The following NANOGNB variants were observed in gnomAD, a reference collection of about 807,000 sequenced individuals.
NANOGNB encodes homeobox C14.
NANOGNB carries 30 observed loss-of-function variants against 25.0 expected under a neutral mutation model. That is an observed-to-expected ratio of 1.20 (90% CI 0.90 to 1.63). NANOGNB has a LOEUF of 1.63. NANOGNB is among the 40% of genes most tolerant of loss of function. The pLI, the probability that NANOGNB is intolerant of heterozygous loss-of-function variation, is 0.00. For synonymous variants in NANOGNB, 84 were observed against 62.1 expected, an observed-to-expected ratio of 1.35 and a Z score of -1.66; for missense variants, 200 against 188.1, an observed-to-expected ratio of 1.06 and a Z score of -0.37.
In NANOGNB at chr12:7,770,008, AAGATCC is replaced by A; in HGVS notation, c.132_137del (p.Asp44_Pro45del). 6.6e-7 allele frequency: 1 copy of A among 1,519,522 alleles called. No individual in the cohort carries two copies. Among genetic ancestry groups the A allele is most frequent in the Non-Finnish European group, 8.8e-7 (1 of 1,138,252 alleles). The allele number at this position is 1,519,522 out of a possible 1,614,324, so 94.1% of individuals were successfully genotyped here. On this transcript the variant is annotated inframe_deletion, in exon 2 of 4. Transcript: ENST00000382119. ...AAACAATCAGCTATGCCTTGGGATC[AAGATCC>A]AGAACAATCAACTGGAAATTACAGT...
At chr12:7,765,919 C>T (rs940308597) in intron 1 of NANOGNB, among the ~76,000 whole-genome samples, 2 of 151,962 alleles carry the variant, frequency 1.3e-5, no homozygotes, top group African/African-American at 4.8e-5. Context: ...TATTAAAAAC[C>T]ATGAGATTAG....
At chr12:7,770,686 C>G (rs1431147560) in intron 3 of NANOGNB, among the ~76,000 whole-genome samples, 168 bp downstream of exon 3, 6 of 152,108 alleles carry the variant, frequency 3.9e-5, no homozygotes, top group Non-Finnish European at 7.3e-5. Flanking sequence ...CATCTCGGCT[C>G]ACCGCACCCT....
At position 7,770,129 on chromosome 12, in the gene NANOGNB, G is replaced by C; in HGVS notation, c.249G>C (p.Lys83Asn). 6.5e-7 allele frequency: 1 copy of C among 1,543,076 alleles called. No homozygotes were observed. The change falls in exon 2 of 4, where the codon AAG (lysine) becomes AAC (asparagine). Residue 83 changes from lysine to asparagine, a missense_variant. By Grantham distance (94) the Lys-to-Asn change is moderately conservative (BLOSUM62 0). Coordinates refer to ENST00000382119, the MANE Select transcript of NANOGNB (RefSeq NM_001145465.1). ...REREKEEKNE[K>N]ELQDEQENKR... ...GAGAAAAAGAAGAAAAAAACGAAAA[G>C]GAGCTGCAAGATGAACAGGAAAACA...
rs138560051 is a variant in NANOGNB, at chr12:7,766,735, C to T, written c.102+1348C>T. ...TAGAGACGGGGTTTCACCATGTTGG[C>T]CAGGCTGGTCCTGAACTCCTGACCT... is the stretch of plus-strand genomic sequence containing the variant. On this transcript the variant is annotated intron_variant, in intron 1 of 3. Transcript: ENST00000382119. Among the ~76,000 whole-genome samples, 159 of 152,218 alleles carry T rather than the reference C, an allele frequency of 1.0e-3. 2 individuals carry two copies. The highest frequency in any genetic ancestry group is 3.4e-3 in the Middle Eastern group (1 of 292).
chr12:7,765,428 G>C, intron 1 of NANOGNB, 41 bp downstream of exon 1: 1 of 357,500 alleles, frequency 2.8e-6, no homozygotes, highest in South Asian at 2.1e-5. Flanking sequence ...AAATTAGCTG[G>C]GCGTGGTGGC....
At chr12:7,773,463 G>A (rs1199888101) in intron 3 of NANOGNB, among the ~76,000 whole-genome samples, 3 of 148,280 alleles carry the variant, frequency 2.0e-5, no homozygotes, top group Admixed American at 7.0e-5. Flanking sequence ...CACTTTGGGA[G>A]GCCAAGGCAG....
chr12:7,773,688 G>T, intron 3 of NANOGNB, 112 bp from the exon 4 acceptor site: 1 of 451,568 alleles, frequency 2.2e-6, no homozygotes, highest in Non-Finnish European at 3.8e-6. Flanking sequence ...TTGTGCCATT[G>T]CACTCCAGCT....
In NANOGNB at chr12:7,770,445, C is replaced by A; in HGVS notation, c.442C>A (p.Gln148Lys). The A allele has an allele frequency of 1.3e-6, 2 of 1,538,538 alleles. No individual in the cohort carries two copies. Among genetic ancestry groups the A allele is most frequent in the South Asian group, 1.2e-5 (1 of 82,620 alleles). ...EFDMTHKQIS[Q>K]WFCKTRKKYN... ...ACACCTCATTTTTTTGTAGATAAGTCAATGGTTTTGTAAAACGAGGAAGAA... is the reference window on the plus strand; with the variant it reads ...ACACCTCATTTTTTTGTAGATAAGTAAATGGTTTTGTAAAACGAGGAAGAA... The change falls in exon 3 of 4, where the codon CAA becomes AAA. Residue 148 changes from glutamine (Q) to lysine (K), a missense_variant. By Grantham distance (53) the Gln-to-Lys change is moderately conservative. Transcript: ENST00000382119.
intron 1 of NANOGNB, among the ~76,000 whole-genome samples, chr12:7,765,863 AG>A (rs1382142090): frequency 2.6e-5 from 4 of 152,068 alleles, no homozygotes; most frequent in Non-Finnish European, 4.4e-5. Flanking sequence ...AGTTTGACAT[AG>A]AAGACTGGAA....
intron 1 of NANOGNB, among the ~76,000 whole-genome samples, chr12:7,768,501 G>A (rs1865263837): frequency 6.6e-6 from 1 of 151,856 alleles, no homozygotes; most frequent in South Asian, 2.1e-4. Flanking sequence ...AGGTGCCACT[G>A]GCATATTTCT....
Position 7,770,107 on chromosome 12 carries a change from A to G in NANOGNB, c.227A>G (p.Glu76Gly). The G allele has an allele frequency of 6.5e-7, 1 of 1,542,594 alleles. No homozygotes were observed. The highest frequency in any genetic ancestry group is 8.8e-7 in the Non-Finnish European group (1 of 1,139,576). Residue 76 changes from glutamate to glycine, a missense_variant, in exon 2 of 4, where the codon GAA becomes GGA. Glu to Gly is a moderately conservative substitution (Grantham distance 98). Coordinates refer to ENST00000382119, the MANE Select transcript of NANOGNB (RefSeq NM_001145465.1). ...EGEAGRKRER[E>G]KEEKNEKELQ... ...GAAGCAGGCAGAAAGAGAGAACGAG[A>G]AAAAGAAGAAAAAAACGAAAAGGAG...
intron 3 of NANOGNB, among the ~76,000 whole-genome samples, chr12:7,772,329 G>A (rs907355621): frequency 6.6e-6 from 1 of 152,106 alleles, no homozygotes; most frequent in Non-Finnish European, 1.5e-5. Context: ...CCAGGCTGGA[G>A]TGCAGTGGCA....
chr12:7,773,235 G>T (rs937445219), intron 3 of NANOGNB, among the ~76,000 whole-genome samples: 6 of 151,418 alleles, frequency 4.0e-5, no homozygotes, highest in Non-Finnish European at 8.8e-5. Context: ...GGGATTGCAG[G>T]TGTACCTTAC....
intron 3 of NANOGNB, 122 bp from the exon 4 acceptor site, chr12:7,773,678 T>C (rs1322302823): frequency 4.6e-6 from 2 of 435,374 alleles, no homozygotes; most frequent in African/African-American, 4.2e-5. Flanking sequence ...TCAGCCGAGA[T>C]TGTGCCATTG....
rs869038102 is a variant in NANOGNB at position 7,773,546 on chromosome 12, C to CAAAAAAAAAAAAAAAAAAA, written c.516-239_516-221dup. 8.4e-4 allele frequency among the ~76,000 whole-genome samples: 13 copies of CAAAAAAAAAAAAAAAAAAA among 15,442 alleles called. 4 individuals are homozygous for CAAAAAAAAAAAAAAAAAAA. Among genetic ancestry groups the CAAAAAAAAAAAAAAAAAAA allele is most frequent in the South Asian group, 0.011 (2 of 176 alleles). 10.1% of individuals were successfully genotyped at this position (15,442 alleles called of 152,430 possible). On this transcript the variant is annotated intron_variant, in intron 3 of 3. Coordinates refer to ENST00000382119, the MANE Select transcript of NANOGNB (RefSeq NM_001145465.1). ...TGAAACTCCATCTCTACTAAAAATA[C>CAAAAAAAAAAAAAAAAAAA]AAAAAAAAAAAAAAAAAAAAAAAAA...
chr12:7,765,569 C>CAAAAAAAAAAAAAAAAAAAAAAAAAAAAA (rs1187331161), intron 1 of NANOGNB, among the ~76,000 whole-genome samples, 182 bp downstream of exon 1: 3 of 48,668 alleles, frequency 6.2e-5, no homozygotes, highest in Non-Finnish European at 1.3e-4. Flanking sequence ...GACTCCGTCT[C>CAAAAAAAAAAAAAAAAAAAAAAAAAAAAA]AAAAAAAAAA....
chr12:7,768,821 C>A (rs1034683379), intron 1 of NANOGNB, among the ~76,000 whole-genome samples: 2 of 152,044 alleles, frequency 1.3e-5, no homozygotes. Flanking sequence ...CGTGAGCCAC[C>A]GCGCCCGGCC....
intron 3 of NANOGNB, among the ~76,000 whole-genome samples, chr12:7,773,137 T>C (rs1862600347): frequency 6.6e-6 from 1 of 150,504 alleles, no homozygotes; most frequent in African/African-American, 2.4e-5. Flanking sequence ...TTTTTTTTTT[T>C]CAAAGATGGG....
rs1344691464 is a variant in NANOGNB, at chr12:7,770,478, A to G, written c.475A>G (p.Lys159Glu). The G allele has an allele frequency of 1.3e-6, 2 of 1,530,568 alleles. No individual in the cohort carries two copies. The highest frequency in any genetic ancestry group is 2.0e-5 in the Admixed American group (1 of 50,084). The allele number at this position is 1,530,568 out of a possible 1,614,324, so 94.8% of individuals were successfully genotyped here. The stretch of plus-strand genomic sequence containing the variant: ...TTGTAAAACGAGGAAGAAATATAAT[A>G]AAGAAATGTCCAAGAGAAAGCATAA... ...WFCKTRKKYN[K>E]EMSKRKHKKK... is the part of the protein sequence containing the mutation. The change falls in exon 3 of 4, where the codon AAA (lysine) becomes GAA (glutamate). Residue 159 changes from lysine (K) to glutamate (E), a missense_variant. By Grantham distance (56) the Lys-to-Glu change is moderately conservative. Coordinates refer to ENST00000382119, the MANE Select transcript of NANOGNB (RefSeq NM_001145465.1).
Sources: gnomAD v4.1 joint callset for allele counts (sites outside exome capture counted in the v4.1 genomes callset) on GRCh38, gnomAD v4.1.1 for gene constraint, MANE v1.5 for transcripts, NCBI Gene and HGNC (gene_info 2026-07-23, HGNC 2026-07-21) for gene names.